RGS3: variants seen among roughly 807,000 people sequenced by gnomAD.
RGS3 encodes the protein regulator of G-protein signalling 3.
Under a neutral mutation model 132.6 loss-of-function variants are expected in RGS3, and 80 were observed. The observed-to-expected ratio is 0.60, with a 90% confidence interval of 0.50 to 0.73. The LOEUF (loss-of-function observed/expected upper bound fraction) is 0.73, where lower values mean the gene tolerates loss of function less well. RGS3 is among the 30% of genes least tolerant of loss of function. The pLI is 0.00. For missense variants in RGS3, 1,382 were observed against 1,530.8 expected, an observed-to-expected ratio of 0.90 and a Z score of 1.62; for synonymous variants, 598 against 620.6, an observed-to-expected ratio of 0.96 and a Z score of 0.54.
chr9:113,482,515 A>G (rs1830199258), intron 4 of RGS3, among the ~76,000 whole-genome samples: 1 of 152,218 alleles, frequency 6.6e-6, no homozygotes, highest in South Asian at 2.1e-4. Context: ...CGCCAGCCAC[A>G]GCACGGCTCA....
chr9:113,460,882 T>TA (rs1216649757), intron 1 of RGS3, among the ~76,000 whole-genome samples: 1 of 152,238 alleles, frequency 6.6e-6, no homozygotes, highest in Admixed American at 6.5e-5. Flanking sequence ...TTATTCCAGA[T>TA]ATAGTCAGTC....
intron 10 of RGS3, among the ~76,000 whole-genome samples, chr9:113,500,454 A>T (rs368751971): frequency 3.3e-5 from 5 of 152,294 alleles, no homozygotes; most frequent in Admixed American, 1.3e-4. Context: ...GCTCTGCAGG[A>T]TGCTATCCTG....
chr9:113,445,604 A>G (rs1588121664), intron 1 of RGS3, among the ~76,000 whole-genome samples: 1 of 152,344 alleles, frequency 6.6e-6, no homozygotes, highest in East Asian at 1.9e-4. Flanking sequence ...TTCTAGGCCC[A>G]TACTCAGAGC....
intron 19 of RGS3, chr9:113,541,414 C>T (rs750668429): frequency 6.2e-7 from 1 of 1,613,636 alleles, no homozygotes; most frequent in East Asian, 2.2e-5. Context: ...CCAGGACAGA[C>T]TCTGATTGGC....
At chr9:113,545,396 A>C (rs1178556037) in intron 19 of RGS3, among the ~76,000 whole-genome samples, 1 of 152,216 alleles carries the variant, frequency 6.6e-6, no homozygotes, top group Non-Finnish European at 1.5e-5. Context: ...ATAAAGGGGA[A>C]TCAAATGGAT....
chr9:113,568,689 C>T (rs902215330), intron 19 of RGS3, among the ~76,000 whole-genome samples: 1 of 152,230 alleles, frequency 6.6e-6, no homozygotes, highest in South Asian at 2.1e-4. Flanking sequence ...TGGAGCCAGG[C>T]AGTTTCCAAG....
At chr9:113,583,751 A>G in exon 20 of RGS3, 1 of 1,614,118 alleles carries the variant, frequency 6.2e-7, no homozygotes, top group East Asian at 2.2e-5. Flanking sequence ...TCACCCTGCC[A>G]GGACCTACCT....
In RGS3 at chr9:113,565,899, GTGTGTGTGTGTGTGTGTC is replaced by G. The variant is rs944856710; in HGVS notation, c.2038-17547_2038-17530del. 7.4e-5 allele frequency among the ~76,000 whole-genome samples: 11 copies of G among 149,420 alleles called. No homozygotes were observed. The East Asian group carries it at 1.7e-3, about 22-fold the overall frequency. ...TCTGTGTGTGTGTGTGTGTGTGTGT[GTGTGTGTGTGTGTGTGTC>G]TGTCTGTCTGTCTGTCTCAGGGGCT... On this transcript the variant is annotated intron_variant, in intron 19 of 24. Transcript: ENST00000350696. The surrounding 1 kb of genome is among the most constrained non-coding windows in gnomAD (Gnocchi z 5.7).
At chr9:113,564,178 G>A (rs891188968) in intron 19 of RGS3, among the ~76,000 whole-genome samples, 13 of 152,230 alleles carry the variant, frequency 8.5e-5, no homozygotes, top group African/African-American at 3.1e-4. Context: ...CGGGCATGGT[G>A]AGTAGGAGCA....
chr9:113,535,596 C>G (rs1372652706), intron 18 of RGS3, among the ~76,000 whole-genome samples: 1 of 152,222 alleles, frequency 6.6e-6, no homozygotes, highest in East Asian at 1.9e-4. Context: ...GCCATTATAT[C>G]CCCATTTCAC....
intron 19 of RGS3, among the ~76,000 whole-genome samples, chr9:113,543,814 A>T (rs1420009488): frequency 6.6e-6 from 1 of 152,226 alleles, no homozygotes; most frequent in Non-Finnish European, 1.5e-5. Flanking sequence ...TGCTGAGTCG[A>T]GCAGATGCTC....
intron 7 of RGS3, among the ~76,000 whole-genome samples, chr9:113,492,270 C>A (rs1830543386): frequency 1.3e-5 from 2 of 152,094 alleles, no homozygotes; most frequent in South Asian, 4.1e-4. Context: ...TACTTCAAAG[C>A]CTTTGTAACG....
At chr9:113,520,374 AT>A (rs1472103699) in intron 16 of RGS3, among the ~76,000 whole-genome samples, 1 of 152,024 alleles carries the variant, frequency 6.6e-6, no homozygotes, top group East Asian at 1.9e-4. Context: ...CCTTTGGGAA[AT>A]TTTTCATTTA....
At chr9:113,596,690 G>A (rs1377878728) in intron 24 of RGS3, 78 bp from the exon 23 acceptor site, 4 of 1,275,226 alleles carry the variant, frequency 3.1e-6, no homozygotes, top group East Asian at 4.8e-5. Flanking sequence ...GAGGCTGGAT[G>A]GGTCCCTTCC....
At chr9:113,577,277 C>G (rs1012231796) in intron 19 of RGS3, among the ~76,000 whole-genome samples, 1 of 152,222 alleles carries the variant, frequency 6.6e-6, no homozygotes, top group African/African-American at 2.4e-5. Context: ...AGCCACCGTG[C>G]CTGGCCTCAA....
chr9:113,491,279 T>C (rs1830513618), intron 7 of RGS3, among the ~76,000 whole-genome samples: 1 of 150,882 alleles, frequency 6.6e-6, no homozygotes, highest in East Asian at 1.9e-4. Context: ...AATTTTTTTT[T>C]CTTTTTTTTT....
chr9:113,479,466 G>A, intron 3 of RGS3, 25 bp from the exon 2 acceptor site: 1 of 1,613,856 alleles, frequency 6.2e-7, no homozygotes, highest in Non-Finnish European at 8.5e-7. Flanking sequence ...CTGAGGCAAG[G>A]TTGTTTCTGT....
chr9:113,594,379 A>G, intron 21 of RGS3, 51 bp from the exon 20 acceptor site: 1 of 1,604,326 alleles, frequency 6.2e-7, no homozygotes, highest in Non-Finnish European at 8.5e-7. Context: ...CTGGATTTGC[A>G]GGGGCGAGTG....
intron 1 of RGS3, among the ~76,000 whole-genome samples, chr9:113,450,950 C>T (rs577053440): frequency 6.6e-5 from 10 of 152,070 alleles, no homozygotes; most frequent in East Asian, 3.9e-4. Context: ...GAGGCTGAGG[C>T]GGGCGGATCA....
Sources: gnomAD v4.1 joint callset for allele counts (sites outside exome capture counted in the v4.1 genomes callset) on GRCh38, gnomAD v4.1.1 for gene constraint, Gnocchi (gnomAD v3.1) non-coding constraint, MANE v1.5 for transcripts, NCBI Gene and HGNC (gene_info 2026-07-23, HGNC 2026-07-21) for gene names.